RTN1: variants seen among roughly 807,000 people sequenced by gnomAD.
RTN1 encodes reticulon 1, also known as reticulon-1.
RTN1 carries 25 observed loss-of-function variants against 65.5 expected under a neutral mutation model. The ratio of observed to expected loss-of-function variants is 0.38; its 90% CI spans 0.28 to 0.53. The LOEUF is 0.53. Among genes scored for constraint, RTN1 ranks in the 20% least tolerant of loss-of-function variants. RTN1 has a pLI of 0.79. For missense variants in RTN1, 983 were observed against 1,025.4 expected (o/e 0.96, Z 0.57); for synonymous variants, 471 against 447.6 (o/e 1.05, Z -0.66).
intron 1 of RTN1, among the ~76,000 whole-genome samples, chr14:59,770,577 A>G (rs1405456412): frequency 6.6e-6 from 1 of 152,024 alleles, no homozygotes; most frequent in Non-Finnish European, 1.5e-5. Context: ...TGTTATGGTA[A>G]AGCTTTATAT....
intron 1 of RTN1, among the ~76,000 whole-genome samples, chr14:59,802,157 T>C (rs2139602138): frequency 1.3e-5 from 2 of 152,354 alleles, no homozygotes; most frequent in South Asian, 4.1e-4. Flanking sequence ...TTTGGCTCTA[T>C]TTACTTATTA....
chr14:59,812,552 TATAAC>T (rs1472924628), intron 1 of RTN1, among the ~76,000 whole-genome samples: 2 of 152,170 alleles, frequency 1.3e-5, no homozygotes, highest in African/African-American at 4.8e-5. Flanking sequence ...CACATGCAAA[TATAAC>T]ATGGTAAATT....
At chr14:59,817,882 CTTTTA>C (rs1886851676) in intron 1 of RTN1, among the ~76,000 whole-genome samples, 1 of 152,052 alleles carries the variant, frequency 6.6e-6, no homozygotes, top group Non-Finnish European at 1.5e-5. Context: ...TTTTCTTCAA[CTTTTA>C]TTTTAGGTTC....
At chr14:59,609,173 G>A (rs996179273) in intron 3 of RTN1, among the ~76,000 whole-genome samples, 18 of 151,942 alleles carry the variant, frequency 1.2e-4, no homozygotes, top group African/African-American at 2.9e-4. Context: ...TAATCCCAGC[G>A]ACTCGGGAGG....
At chr14:59,796,851 T>C (rs749818614) in intron 1 of RTN1, among the ~76,000 whole-genome samples, 5 of 152,176 alleles carry the variant, frequency 3.3e-5, no homozygotes, top group African/African-American at 7.2e-5. Context: ...ACCAACTAGA[T>C]TGTGGGCCCC....
intron 1 of RTN1, among the ~76,000 whole-genome samples, chr14:59,749,879 A>C (rs1469847396): frequency 5.3e-5 from 6 of 112,516 alleles, no homozygotes; most frequent in African/African-American, 6.9e-5. Flanking sequence ...ATATATCTAT[A>C]TATATACACA....
At chr14:59,657,919 G>A (rs572819595) in intron 3 of RTN1, among the ~76,000 whole-genome samples, 4 of 152,194 alleles carry the variant, frequency 2.6e-5, no homozygotes, top group Non-Finnish European at 5.9e-5. Flanking sequence ...TGGAAAGGGG[G>A]ATGAGGCCAG....
chr14:59,861,690 C>G (rs561075567), intron 1 of RTN1, among the ~76,000 whole-genome samples: 1 of 152,196 alleles, frequency 6.6e-6, no homozygotes, highest in Non-Finnish European at 1.5e-5. Context: ...AAGAAATCTA[C>G]TTCTCCACAT....
chr14:59,869,316 C>T (rs971205024), intron 1 of RTN1, among the ~76,000 whole-genome samples: 1 of 151,928 alleles, frequency 6.6e-6, no homozygotes, highest in Non-Finnish European at 1.5e-5. Flanking sequence ...CACCCCCCAC[C>T]CCAGGCCTTC....
At chr14:59,735,521 CAA>C (rs1461891031) in intron 2 of RTN1, among the ~76,000 whole-genome samples, 1 of 151,996 alleles carries the variant, frequency 6.6e-6, no homozygotes. Context: ...TATATAGGCT[CAA>C]AATAAAGGGA....
At chr14:59,718,874 C>T (rs765528776) in intron 3 of RTN1, among the ~76,000 whole-genome samples, 6 of 152,096 alleles carry the variant, frequency 3.9e-5, no homozygotes, top group Admixed American at 6.5e-5. Context: ...TAAAGTCACC[C>T]CTACCACAAA....
intron 3 of RTN1, among the ~76,000 whole-genome samples, chr14:59,648,853 A>C (rs1882958389): frequency 6.6e-6 from 1 of 152,210 alleles, no homozygotes; most frequent in African/African-American, 2.4e-5. Flanking sequence ...AAAACCAGGA[A>C]GCATTCCCCC....
chr14:59,693,470 G>C (rs1221043518), intron 3 of RTN1, among the ~76,000 whole-genome samples: 1 of 152,030 alleles, frequency 6.6e-6, no homozygotes, highest in Non-Finnish European at 1.5e-5. Flanking sequence ...AGTACACACT[G>C]TACCCTCAAT....
At chr14:59,679,153 G>A (rs1473755184) in intron 3 of RTN1, among the ~76,000 whole-genome samples, 1 of 152,166 alleles carries the variant, frequency 6.6e-6, no homozygotes, top group Non-Finnish European at 1.5e-5. Context: ...TTGACATTTT[G>A]TATTGAGTAT....
rs1225978940 is a variant in RTN1, at chr14:59,858,867, G to A, written c.241+11523C>T. 2.6e-5 allele frequency among the ~76,000 whole-genome samples: 4 copies of A among 152,252 alleles called. No homozygotes were observed. The East Asian group carries it at 5.8e-4, about 22-fold the overall frequency. ...TTGAATATTTATGAAACTAGATTCA[G>A]TAAAAAATGAAGAAGATAATTCAGC... On this transcript the variant is annotated intron_variant, in intron 1 of 8. Transcript: ENST00000267484.
chr14:59,724,478 A>G (rs990667968), intron 3 of RTN1, among the ~76,000 whole-genome samples: 1 of 152,254 alleles, frequency 6.6e-6, no homozygotes, highest in Non-Finnish European at 1.5e-5. Flanking sequence ...TCAGTGGACA[A>G]GAGCAGGAAA....
At chr14:59,625,427 A>AAG (rs1882368976) in intron 3 of RTN1, among the ~76,000 whole-genome samples, 1 of 152,228 alleles carries the variant, frequency 6.6e-6, no homozygotes, top group South Asian at 2.1e-4. Context: ...ATGTTTATCT[A>AAG]GTCTTTTTCT....
In RTN1 at chr14:59,650,876, C is replaced by T. The variant is rs562909220; in HGVS notation, c.1766-43384G>A. Among the ~76,000 whole-genome samples, 8 of 152,236 alleles carry T rather than the reference C, an allele frequency of 5.3e-5. No homozygotes were observed. In the South Asian group the frequency reaches 1.4e-3, roughly 28 times the overall value. On this transcript the variant is annotated intron_variant, in intron 3 of 8. Transcript: ENST00000267484. ...AAACCTATCTACCAATGACATTTTTCACCTAGGCAATACCACTCAAGACAT... is the reference window on the plus strand; with the variant it reads ...AAACCTATCTACCAATGACATTTTTTACCTAGGCAATACCACTCAAGACAT...
rs78646315 is a variant in RTN1, at chr14:59,628,706, C to T, written c.1766-21214G>A. Among the ~76,000 whole-genome samples, 186 of 152,204 alleles carry T rather than the reference C, an allele frequency of 1.2e-3. No individual in the cohort carries two copies. The Middle Eastern group carries it at 0.014, about 11-fold the overall frequency. The stretch of plus-strand genomic sequence containing the variant: ...AATGAAAAATTATTGTCTTCAATGG[C>T]GAAACTATGACATTTTGTGTTAATT... On this transcript the variant is annotated intron_variant, in intron 3 of 8. Transcript: ENST00000267484.
Sources: allele counts gnomAD v4.1 joint callset (sites outside exome capture counted in the v4.1 genomes callset), GRCh38; gene constraint gnomAD v4.1.1; transcripts MANE v1.5; gene names NCBI Gene and HGNC (gene_info 2026-07-23, HGNC 2026-07-21).